The following ATG10 variants were observed in gnomAD, a reference collection of about 807,000 sequenced individuals.
The protein encoded by ATG10 is autophagy related 10, also known as ubiquitin-like-conjugating enzyme ATG10.
A neutral mutation model predicts 32.1 loss-of-function variants in ATG10; 30 were observed. The observed-to-expected ratio is 0.94, with a 90% CI of 0.70 to 1.27. The LOEUF is 1.27. Among genes scored for constraint, ATG10 ranks in the 50% most tolerant of loss-of-function variants. The pLI, the probability that ATG10 is intolerant of heterozygous loss-of-function variation, is 0.00. For missense variants in ATG10, 233 were observed against 262.3 expected (o/e 0.89, Z 0.77); for synonymous variants, 87 against 91.5 (o/e 0.95, Z 0.28).
chr5:82,017,800 A>G (rs1230779211), intron 2 of ATG10, among the ~76,000 whole-genome samples: 1 of 152,112 alleles, frequency 6.6e-6, no homozygotes, highest in Non-Finnish European at 1.5e-5. Context: ...GACAGGATTG[A>G]TCATTCTTTC....
chr5:82,203,396 C>G (rs181972501), intron 5 of ATG10, among the ~76,000 whole-genome samples: 15 of 152,244 alleles, frequency 9.9e-5, no homozygotes, highest in African/African-American at 3.4e-4. Flanking sequence ...TGACTTACCC[C>G]CAAAGAGGTT....
intron 5 of ATG10, among the ~76,000 whole-genome samples, chr5:82,192,576 A>G (rs1278252534): frequency 6.6e-6 from 1 of 152,210 alleles, no homozygotes; most frequent in East Asian, 1.9e-4. Flanking sequence ...CCTCATCTGC[A>G]AAATAGGAAA....
chr5:82,128,288 T>A (rs896682474), intron 3 of ATG10, among the ~76,000 whole-genome samples: 4 of 152,046 alleles, frequency 2.6e-5, no homozygotes. Flanking sequence ...GCCTGTTACA[T>A]TTATGGTTAA....
chr5:82,130,472 G>C (rs1766474151), intron 3 of ATG10, among the ~76,000 whole-genome samples: 1 of 152,142 alleles, frequency 6.6e-6, no homozygotes, highest in Non-Finnish European at 1.5e-5. Flanking sequence ...GGCTCTGGTG[G>C]TGTAGGCGCC....
chr5:82,244,823 A>T (rs1279186230), intron 5 of ATG10, among the ~76,000 whole-genome samples: 1 of 152,192 alleles, frequency 6.6e-6, no homozygotes, highest in African/African-American at 2.4e-5. Context: ...TGAGACATTT[A>T]ACCATTGCTA....
intron 1 of ATG10, among the ~76,000 whole-genome samples, chr5:81,977,362 A>G (rs1027534557): frequency 1.3e-5 from 2 of 152,162 alleles, no homozygotes; most frequent in African/African-American, 4.8e-5. Context: ...ATTTTTACAG[A>G]CAACTCTTCA....
At chr5:82,021,525 G>A (rs1184925962) in intron 2 of ATG10, among the ~76,000 whole-genome samples, 1 of 152,194 alleles carries the variant, frequency 6.6e-6, no homozygotes, top group Non-Finnish European at 1.5e-5. Flanking sequence ...TTGTTATACT[G>A]TATTGTTTAG....
chr5:81,982,609 A>T (rs1761086723), intron 1 of ATG10, among the ~76,000 whole-genome samples: 1 of 150,216 alleles, frequency 6.7e-6, no homozygotes, highest in Non-Finnish European at 1.5e-5. Flanking sequence ...TGTTTCTCGC[A>T]GAGGGGGATT....
intron 2 of ATG10, among the ~76,000 whole-genome samples, chr5:82,010,534 A>T (rs1762100891): frequency 6.6e-6 from 1 of 152,184 alleles, no homozygotes; most frequent in Non-Finnish European, 1.5e-5. Flanking sequence ...TAATTTCTTT[A>T]AGTCGATCCA....
At chr5:82,017,103 T>C (rs1162891920) in intron 2 of ATG10, among the ~76,000 whole-genome samples, 1 of 152,184 alleles carries the variant, frequency 6.6e-6, no homozygotes, top group East Asian at 1.9e-4. Context: ...ATAGTTTTCC[T>C]TGTAGAGATC....
chr5:82,188,308 T>TA (rs2149940498), intron 5 of ATG10, among the ~76,000 whole-genome samples: 1 of 152,336 alleles, frequency 6.6e-6, no homozygotes, highest in East Asian at 1.9e-4. Context: ...CTTAGCTTTT[T>TA]ACCATCAAAG....
rs373921505 is a variant in ATG10, at chr5:82,104,672, GT to G, written c.216+46076del. 1.9e-4 allele frequency among the ~76,000 whole-genome samples: 29 copies of G among 152,112 alleles called. No individual in the cohort carries two copies. In the South Asian group the frequency reaches 4.6e-3, roughly 24 times the overall value. On this transcript the variant is annotated intron_variant, in intron 3 of 7. Transcript: ENST00000282185. Reference sequence around the variant, plus strand: ...AGTTACAATAATTTAAAACTCAATAGTTTTTTCTTAAACACCATTATTTAAT... The same window carrying G: ...AGTTACAATAATTTAAAACTCAATAGTTTTTCTTAAACACCATTATTTAAT...
At chr5:82,019,647 C>G (rs1056716927) in intron 2 of ATG10, among the ~76,000 whole-genome samples, 1 of 152,130 alleles carries the variant, frequency 6.6e-6, no homozygotes, top group Non-Finnish European at 1.5e-5. Flanking sequence ...CTCTCCTCTC[C>G]CAGTGCCTCT....
intron 3 of ATG10, among the ~76,000 whole-genome samples, chr5:82,129,493 G>T (rs1337612329): frequency 6.6e-6 from 1 of 152,038 alleles, no homozygotes; most frequent in Admixed American, 6.6e-5. Flanking sequence ...CCTACCTTTG[G>T]TCTTTGATGC....
chr5:82,226,786 A>G (rs1382716447), intron 5 of ATG10, among the ~76,000 whole-genome samples: 4 of 152,220 alleles, frequency 2.6e-5, no homozygotes, highest in Non-Finnish European at 5.9e-5. Context: ...CAGGCCTGCT[A>G]TCTTTTCATG....
rs535499185 is a variant in ATG10, at chr5:82,161,764, G to A, written c.217-2635G>A. Among the ~76,000 whole-genome samples, 174 of 143,900 alleles carry A rather than the reference G, an allele frequency of 1.2e-3. 2 individuals carry two copies. The highest frequency in any genetic ancestry group is 2.3e-3 in the Admixed American group (34 of 14,474). 94.4% of individuals were successfully genotyped at this position (143,900 alleles called of 152,430 possible). On this transcript the variant is annotated intron_variant, in intron 3 of 7. Transcript: ENST00000282185. Reference sequence around the variant, plus strand: ...ATGGTGACATTTAAAGTCAATGGAAGAAAGATGAACTATTGAAATCATCTA... The same window carrying A: ...ATGGTGACATTTAAAGTCAATGGAAAAAAGATGAACTATTGAAATCATCTA...
chr5:82,157,738 A>T (rs963523796), intron 3 of ATG10, among the ~76,000 whole-genome samples: 1 of 152,206 alleles, frequency 6.6e-6, no homozygotes. Flanking sequence ...AAATCAGCAA[A>T]TGAAGAGTAT....
At chr5:82,127,236 C>T (rs1476734149) in intron 3 of ATG10, among the ~76,000 whole-genome samples, 1 of 152,082 alleles carries the variant, frequency 6.6e-6, no homozygotes, top group Non-Finnish European at 1.5e-5. Context: ...AAACCATCTC[C>T]TGGATTCATT....
intron 7 of ATG10, 133 bp downstream of exon 7, chr5:82,253,562 T>A (rs1273061327): frequency 3.1e-6 from 2 of 635,864 alleles, no homozygotes; most frequent in Non-Finnish European, 5.6e-6. Context: ...TTTTTAGTTT[T>A]CCAATCAGTC....
Sources: gnomAD v4.1 joint callset for allele counts (sites outside exome capture counted in the v4.1 genomes callset) on GRCh38, gnomAD v4.1.1 for gene constraint, MANE v1.5 for transcripts, NCBI Gene and HGNC (gene_info 2026-07-23, HGNC 2026-07-21) for gene names.